Variants in NEK1 observed in about 807,000 individuals in gnomAD.
The protein encoded by NEK1 is NIMA related kinase 1.
NEK1 carries 137 observed loss-of-function variants against 182.1 expected under a neutral mutation model. That is an observed-to-expected ratio of 0.75 (90% confidence interval 0.65 to 0.87). NEK1 has a LOEUF of 0.87. NEK1 is among the 40% of genes least tolerant of loss of function. NEK1 has a pLI of 0.00. For missense variants in NEK1, 1,391 were observed against 1,494.4 expected (o/e 0.93, Z 1.14); for synonymous variants, 513 against 492.2 (o/e 1.04, Z -0.56).
intron 12 of NEK1, among the ~76,000 whole-genome samples, chr4:169,570,841 T>C (rs1764694105): frequency 6.6e-6 from 1 of 152,180 alleles, no homozygotes; most frequent in African/African-American, 2.4e-5. Context: ...TAAGAACAAA[T>C]TCTTCTGCCT....
In NEK1 at chr4:169,589,501, G is replaced by T. The variant is rs749714474; in HGVS notation, c.410C>A (p.Thr137Asn). 3 of 1,482,874 alleles carry T rather than the reference G, an allele frequency of 2.0e-6. No individual in the cohort carries two copies. Among genetic ancestry groups the T allele is most frequent in the Non-Finnish European group, 2.7e-6 (3 of 1,095,048 alleles). 91.9% of individuals were successfully genotyped at this position (1,482,874 alleles called of 1,614,324 possible). The part of the protein sequence containing the change: ...RDIKSQNIFL[T>N]KDGTVQLGDF... ...TCCAAGTTGTACTGTTCCATCTTTA[G>T]TTAAAAATATGTTCTGTAAAAGACA... is the stretch of plus-strand genomic sequence containing the variant. Residue 137 changes from threonine (T) to asparagine (N), a missense_variant, in exon 7 of 36, where the codon ACT becomes AAT. By Grantham distance (65) the Thr-to-Asn change is moderately conservative. Coordinates refer to ENST00000507142, the MANE Select transcript of NEK1 (RefSeq NM_001199397.3).
chr4:169,419,212 G>T (rs974857699), intron 31 of NEK1, among the ~76,000 whole-genome samples: 5 of 151,832 alleles, frequency 3.3e-5, no homozygotes, highest in African/African-American at 1.2e-4. Flanking sequence ...TATACATGAA[G>T]ATAAGAAAGC....
intron 31 of NEK1, among the ~76,000 whole-genome samples, chr4:169,423,195 C>G (rs1041968915): frequency 2.0e-5 from 3 of 152,134 alleles, no homozygotes; most frequent in Admixed American, 1.3e-4. Context: ...CTCCACCTCC[C>G]GGGTTCAAGT....
rs1429885411 is a variant in NEK1, at chr4:169,508,245, T to TA, written c.1833+2dup. 3 of 1,583,004 alleles carry TA rather than the reference T, an allele frequency of 1.9e-6. No individual in the cohort carries two copies. In the African/African-American group the frequency reaches 4.1e-5, roughly 21 times the overall value. On this transcript the variant is annotated splice_region_variant and intron_variant, in intron 21 of 35. Coordinates refer to ENST00000507142, the MANE Select transcript of NEK1 (RefSeq NM_001199397.3). The stretch of plus-strand genomic sequence containing the variant: ...TCTTCAAAAAAATAGCTTTTCAACC[T>TA]ACCTTTTCACCACGAAGTTTGGCTT...
At chr4:169,540,930 C>G (rs1759307829) in intron 18 of NEK1, among the ~76,000 whole-genome samples, 1 of 151,580 alleles carries the variant, frequency 6.6e-6, no homozygotes, top group Admixed American at 6.6e-5. Context: ...TATTTTCTTT[C>G]CTTTTCTTAT....
Position 169,606,874 on chromosome 4 carries a change from GA to G in NEK1, c.-48-4197del, listed in dbSNP as rs371921625. Among the ~76,000 whole-genome samples, 746 of 152,328 alleles carry G rather than the reference GA, an allele frequency of 4.9e-3. 8 individuals carry two copies. Among genetic ancestry groups the G allele is most frequent in the Admixed American group, 7.7e-3 (118 of 15,300 alleles). ...GAGGGGCTATAATCACCGAAAGGTG[GA>G]AACATACTAGTGGGTTCTACATTCA... On this transcript the variant is annotated intron_variant, in intron 2 of 35. Coordinates refer to ENST00000507142, the MANE Select transcript of NEK1 (RefSeq NM_001199397.3).
intron 19 of NEK1, among the ~76,000 whole-genome samples, chr4:169,521,327 C>T (rs1024006197): frequency 1.4e-3 from 5 of 3,648 alleles, no homozygotes; most frequent in African/African-American, 4.6e-3. Flanking sequence ...TGACCCCTTG[C>T]GCTTCCCAGG....
At chr4:169,475,917 A>T (rs1393412239) in intron 26 of NEK1, among the ~76,000 whole-genome samples, 2 of 152,142 alleles carry the variant, frequency 1.3e-5, no homozygotes, top group Non-Finnish European at 2.9e-5. Flanking sequence ...ACACAACAAG[A>T]ATCTAAAAAA....
At chr4:169,489,519 T>C (rs937870487) in intron 23 of NEK1, among the ~76,000 whole-genome samples, 2 of 152,038 alleles carry the variant, frequency 1.3e-5, no homozygotes, top group African/African-American at 2.4e-5. Flanking sequence ...GGTGGAGTCA[T>C]TGTTGTGCTA....
At chr4:169,569,038 T>C (rs1417048004) in intron 12 of NEK1, among the ~76,000 whole-genome samples, 1 of 152,110 alleles carries the variant, frequency 6.6e-6, no homozygotes, top group East Asian at 1.9e-4. Flanking sequence ...TGTTTTACGC[T>C]TTTATTATAT....
intron 18 of NEK1, among the ~76,000 whole-genome samples, chr4:169,549,780 C>T (rs577796317): frequency 2.6e-5 from 4 of 152,110 alleles, no homozygotes; most frequent in South Asian, 4.2e-4. Context: ...AGTGCAGTGG[C>T]GTGATCTCAG....
intron 29 of NEK1, among the ~76,000 whole-genome samples, chr4:169,428,351 G>GAGATATATATATAT (rs71590009): frequency 2.1e-5 from 2 of 93,246 alleles, no homozygotes; most frequent in East Asian, 9.1e-4. Context: ...AAATATATGG[G>GAGATATATATATAT]ATATATATAT....
rs543801862 is a variant in NEK1, at chr4:169,393,288, A to C, written c.*1222T>G. ...ATTGATATACTTCAGGTAGATAATA[A>C]AAATTTAATAGCAATATCATAAAAT... On this transcript the variant is annotated 3_prime_UTR_variant, in exon 36 of 36. Coordinates refer to ENST00000507142, the MANE Select transcript of NEK1 (RefSeq NM_001199397.3). The C allele has an allele frequency of 2.7e-4, 41 of 152,338 alleles. No individual in the cohort carries two copies. The highest frequency in any genetic ancestry group is 9.9e-4 in the African/African-American group (41 of 41,578). The allele number at this position is 152,338 out of a possible 1,614,324, so 9.4% of individuals were successfully genotyped here.
At chr4:169,491,233 G>A (rs1750036696) in intron 23 of NEK1, among the ~76,000 whole-genome samples, 1 of 151,182 alleles carries the variant, frequency 6.6e-6, no homozygotes, top group Non-Finnish European at 1.5e-5. Flanking sequence ...AGTCTTGGGA[G>A]TGATATGGTC....
At chr4:169,523,734 T>C (rs1756459926) in intron 19 of NEK1, among the ~76,000 whole-genome samples, 1 of 152,244 alleles carries the variant, frequency 6.6e-6, no homozygotes, top group Admixed American at 6.5e-5. Context: ...CATAATAAGC[T>C]TTCAATAAAT....
intron 27 of NEK1, among the ~76,000 whole-genome samples, chr4:169,458,862 A>G (rs963641317): frequency 4.0e-5 from 6 of 151,794 alleles, no homozygotes; most frequent in Admixed American, 3.3e-4. Context: ...TCAAGAGAAC[A>G]TGAAGAAAAG....
rs35503975 is a variant in NEK1 at position 169,400,613 on chromosome 4, C to T, written c.3622G>A (p.Asp1208Asn). ...TCCTCTAAATGGTTAAAGACACTAT[C>T]GCATTCACATTCACTAGCAATTTCA... ...DGEIASECEC[D>N]SVFNHLEELR... Residue 1208 changes from aspartate (D) to asparagine (N), a missense_variant, in exon 34 of 36, where the codon GAT (aspartate) becomes AAT (asparagine). Around this residue, in one of 5 missense-constraint regions of NEK1, gnomAD observed 1,216 missense variants for 1,277.6 expected, o/e 0.95. Transcript: ENST00000507142. 3.6e-5 allele frequency: 57 copies of T among 1,602,154 alleles called. No homozygotes were observed. The East Asian group carries it at 1.1e-3, about 30-fold the overall frequency.
intron 23 of NEK1, among the ~76,000 whole-genome samples, chr4:169,496,863 C>T (rs912576917): frequency 1.3e-5 from 2 of 152,090 alleles, no homozygotes; most frequent in Non-Finnish European, 2.9e-5. Flanking sequence ...GTCTAAAATT[C>T]TCTTTTTTTG....
chr4:169,450,579 A>G (rs1438996358), intron 27 of NEK1, among the ~76,000 whole-genome samples: 2 of 152,194 alleles, frequency 1.3e-5, no homozygotes, highest in African/African-American at 4.8e-5. Flanking sequence ...CAGCCAAACT[A>G]AGTTTCATAA....
Sources: gnomAD v4.1 joint callset for allele counts (sites outside exome capture counted in the v4.1 genomes callset) on GRCh38, gnomAD v4.1.1 for gene constraint, gnomAD v4.1.1 regional missense constraint, MANE v1.5 for transcripts, NCBI Gene and HGNC (gene_info 2026-07-23, HGNC 2026-07-21) for gene names.